The following PAPPA2 variants were observed in gnomAD, a reference collection of about 807,000 sequenced individuals.
PAPPA2 encodes pappalysin-2.
Under a neutral mutation model 176.4 loss-of-function variants are expected in PAPPA2, and 86 were observed. The observed-to-expected ratio is 0.49, with a 90% CI of 0.41 to 0.58. The LOEUF (loss-of-function observed/expected upper bound fraction) is 0.58, where lower values mean the gene tolerates loss of function less well. Ranked by LOEUF, PAPPA2 falls within the 20% of genes least tolerant of loss-of-function variation. The probability of loss-of-function intolerance (pLI) is 0.00; values close to 1 mark genes in which losing one functional copy is unlikely to be tolerated. For synonymous variants in PAPPA2, 809 were observed against 852.2 expected (o/e 0.95, Z 0.88); for missense variants, 2,073 against 2,256.9 (o/e 0.92, Z 1.65).
chr1:176,596,242 A>G (rs1653975394), intron 3 of PAPPA2, among the ~76,000 whole-genome samples: 1 of 152,126 alleles, frequency 6.6e-6, no homozygotes, highest in Non-Finnish European at 1.5e-5. Flanking sequence ...TTTTTCCTCC[A>G]CTGCACTCAG....
rs1651224165 is a variant in PAPPA2, at chr1:176,555,462, T to C, written c.-861T>C. ...AAGAGCTCCCAGACTCATAAGGTTATTAGAACAGCAAACTGGCACCCCAAA... is the reference window on the plus strand; with the variant it reads ...AAGAGCTCCCAGACTCATAAGGTTACTAGAACAGCAAACTGGCACCCCAAA... On this transcript the variant is annotated 5_prime_UTR_variant, in exon 2 of 23. Transcript: ENST00000367662. 2 of 152,114 alleles carry C rather than the reference T, an allele frequency of 1.3e-5. No homozygotes were observed. The highest frequency in any genetic ancestry group is 1.3e-4 in the Admixed American group (2 of 15,268). 9.4% of individuals were successfully genotyped at this position (152,114 alleles called of 1,614,324 possible).
intron 21 of PAPPA2, among the ~76,000 whole-genome samples, chr1:176,825,599 G>C (rs1170351626): frequency 2.0e-5 from 3 of 152,190 alleles, no homozygotes; most frequent in Non-Finnish European, 4.4e-5. Flanking sequence ...GATGAGAAAA[G>C]AAAGGAGAGA....
chr1:176,617,282 C>T (rs1216113432), intron 3 of PAPPA2, among the ~76,000 whole-genome samples: 1 of 152,080 alleles, frequency 6.6e-6, no homozygotes, highest in Non-Finnish European at 1.5e-5. Context: ...ACAGCTGGTC[C>T]TGAGGCAGCA....
chr1:176,783,557 G>C (rs1664807008), intron 17 of PAPPA2, among the ~76,000 whole-genome samples: 1 of 152,196 alleles, frequency 6.6e-6, no homozygotes, highest in Admixed American at 6.5e-5. Flanking sequence ...TCTGGAAATT[G>C]GGAAACGCAC....
At chr1:176,474,579 C>A (rs1453735583) in intron 1 of PAPPA2, among the ~76,000 whole-genome samples, 1 of 152,032 alleles carries the variant, frequency 6.6e-6, no homozygotes, top group Non-Finnish European at 1.5e-5. Context: ...ACGGTGGTAT[C>A]CAGATAAATT....
intron 12 of PAPPA2, among the ~76,000 whole-genome samples, chr1:176,736,826 T>G (rs1662440085): frequency 1.3e-5 from 2 of 151,508 alleles, no homozygotes; most frequent in African/African-American, 2.4e-5. Flanking sequence ...TTTCATAGAC[T>G]CAATTTATAA....
intron 17 of PAPPA2, among the ~76,000 whole-genome samples, chr1:176,775,561 A>G (rs1411721566): frequency 6.6e-6 from 1 of 152,164 alleles, no homozygotes; most frequent in African/African-American, 2.4e-5. Context: ...CAGAAAAACG[A>G]TTACCTCTCA....
intron 17 of PAPPA2, among the ~76,000 whole-genome samples, chr1:176,772,429 A>G (rs556928712): frequency 1.4e-4 from 21 of 152,300 alleles, no homozygotes; most frequent in African/African-American, 5.1e-4. Flanking sequence ...GGACAGAAAA[A>G]AATATCAGGA....
At chr1:176,743,407 C>A (rs1045572263) in intron 14 of PAPPA2, among the ~76,000 whole-genome samples, 1 of 152,058 alleles carries the variant, frequency 6.6e-6, no homozygotes, top group Non-Finnish European at 1.5e-5. Context: ...GATCATGAAC[C>A]CTTTAGTCTT....
chr1:176,800,882 A>G (rs1329617489), intron 21 of PAPPA2, among the ~76,000 whole-genome samples: 3 of 152,172 alleles, frequency 2.0e-5, no homozygotes, highest in African/African-American at 7.2e-5. Context: ...TACCACCTCA[A>G]GAAATCTTGT....
At chr1:176,797,325 G>T (rs1665488968) in intron 20 of PAPPA2, among the ~76,000 whole-genome samples, 1 of 152,130 alleles carries the variant, frequency 6.6e-6, no homozygotes, top group Admixed American at 6.5e-5. Context: ...TTATATGATT[G>T]TAATTTTTCA....
intron 15 of PAPPA2, 132 bp from the exon 16 acceptor site, chr1:176,769,475 G>T: frequency 2.2e-6 from 2 of 927,630 alleles, no homozygotes; most frequent in Non-Finnish European, 1.6e-6. Flanking sequence ...GCCTGAAGAG[G>T]GAGAAAGGCA....
chr1:176,589,012 G>T (rs750324356), intron 2 of PAPPA2, among the ~76,000 whole-genome samples: 1 of 152,154 alleles, frequency 6.6e-6, no homozygotes, highest in Non-Finnish European at 1.5e-5. Flanking sequence ...AATTATAAAA[G>T]ATAATTCAAG....
chr1:176,694,865 G>C (rs1007898330), intron 6 of PAPPA2, among the ~76,000 whole-genome samples: 2 of 152,196 alleles, frequency 1.3e-5, no homozygotes, highest in African/African-American at 2.4e-5. Context: ...GCAAAAGAGA[G>C]GAAAGAATGT....
intron 1 of PAPPA2, among the ~76,000 whole-genome samples, chr1:176,551,357 G>C (rs890025937): frequency 6.6e-6 from 1 of 152,130 alleles, no homozygotes; most frequent in Non-Finnish European, 1.5e-5. Context: ...TATAGATTCC[G>C]CATTTGGTTG....
chr1:176,800,837 C>T (rs2102949648), intron 21 of PAPPA2, among the ~76,000 whole-genome samples: 1 of 152,274 alleles, frequency 6.6e-6, no homozygotes, highest in East Asian at 1.9e-4. Flanking sequence ...TTAGGTAGAC[C>T]TGTTGTCCAC....
intron 1 of PAPPA2, among the ~76,000 whole-genome samples, chr1:176,472,383 A>G (rs373923904): frequency 2.8e-4 from 43 of 152,310 alleles, no homozygotes; most frequent in African/African-American, 8.9e-4. Flanking sequence ...TCTTTGGCCA[A>G]TGAGAGCTTC....
chr1:176,633,174 T>A (rs1474889782), intron 3 of PAPPA2, among the ~76,000 whole-genome samples: 1 of 152,158 alleles, frequency 6.6e-6, no homozygotes, highest in Non-Finnish European at 1.5e-5. Context: ...CAGAGTGCAT[T>A]ATGAGAGTAA....
At chr1:176,634,966 A>G (rs7412337) in intron 3 of PAPPA2, among the ~76,000 whole-genome samples, 2,701 of 135,122 alleles carry the variant, frequency 0.02, 70 homozygotes, top group African/African-American at 0.062. Context: ...TAGATAGATA[A>G]ATAGATAGAT....
Sources: gnomAD v4.1 joint callset for allele counts (sites outside exome capture counted in the v4.1 genomes callset) on GRCh38, gnomAD v4.1.1 for gene constraint, MANE v1.5 for transcripts, NCBI Gene and HGNC (gene_info 2026-07-23, HGNC 2026-07-21) for gene names.